Variants in ABTB3 observed in about 807,000 individuals in gnomAD.
ABTB3 encodes ankyrin repeat- and BTB/POZ domain-containing protein 3.
chr12:107,565,583 C>T, the ABTB3 span, among the ~76,000 whole-genome samples: 42 of 152,128 alleles, frequency 2.8e-4, no homozygotes, highest in African/African-American at 9.4e-4. Context: ...TCCAAACACT[C>T]CCCCACTTTC....
At chr12:107,339,976 A>G in the ABTB3 span, among the ~76,000 whole-genome samples, 1,201 of 152,084 alleles carry the variant, frequency 7.9e-3, 15 homozygotes, top group African/African-American at 0.027. Flanking sequence ...TGTTGATATC[A>G]TATTTATTTT....
the ABTB3 span, among the ~76,000 whole-genome samples, chr12:107,556,079 G>A: frequency 1.3e-5 from 2 of 151,768 alleles, no homozygotes; most frequent in African/African-American, 4.8e-5. Flanking sequence ...AGAATCTTAT[G>A]AGTCTGTCAG....
At chr12:107,320,245 C>T in the ABTB3 span, among the ~76,000 whole-genome samples, 1 of 152,212 alleles carries the variant, frequency 6.6e-6, no homozygotes, top group Non-Finnish European at 1.5e-5. Context: ...CTGTTTGCTC[C>T]TGCACTCGGG....
At chr12:107,375,458 CATCATCATA>C in the ABTB3 span, among the ~76,000 whole-genome samples, 3 of 128,916 alleles carry the variant, frequency 2.3e-5, no homozygotes, top group Non-Finnish European at 5.3e-5. Flanking sequence ...TCATCATCAT[CATCATCATA>C]AATAAAAATA....
the ABTB3 span, among the ~76,000 whole-genome samples, chr12:107,417,817 A>T: frequency 1.3e-5 from 2 of 152,208 alleles, no homozygotes; most frequent in African/African-American, 4.8e-5. Flanking sequence ...ACCTGTGTTT[A>T]ATTCCTGTGT....
At chr12:107,337,481 A>G in the ABTB3 span, among the ~76,000 whole-genome samples, 3 of 152,210 alleles carry the variant, frequency 2.0e-5, no homozygotes, top group East Asian at 3.8e-4. Context: ...GCTGGTTCCC[A>G]TGTACCAGAT....
At chr12:107,610,064 G>A in the ABTB3 span, 1 of 1,092,722 alleles carries the variant, frequency 9.2e-7, no homozygotes, top group East Asian at 2.4e-5. Flanking sequence ...CATTTTAATT[G>A]GAGCCTAGGA....
chr12:107,615,283 A>G, the ABTB3 span: 2 of 707,164 alleles, frequency 2.8e-6, no homozygotes, highest in Non-Finnish European at 4.8e-6. Context: ...CTGCAATTCA[A>G]TATAGTATAT....
the ABTB3 span, among the ~76,000 whole-genome samples, chr12:107,570,166 G>A: frequency 6.6e-6 from 1 of 152,184 alleles, no homozygotes; most frequent in Non-Finnish European, 1.5e-5. Context: ...CGTATAGAGG[G>A]AAAACCAGCA....
chr12:107,406,694 A>C, the ABTB3 span, among the ~76,000 whole-genome samples: 1 of 152,248 alleles, frequency 6.6e-6, no homozygotes, highest in African/African-American at 2.4e-5. Context: ...TGACCAAAAC[A>C]GGCAGAAATC....
chr12:107,651,168 T>C, the ABTB3 span, among the ~76,000 whole-genome samples: 1 of 151,934 alleles, frequency 6.6e-6, no homozygotes, highest in Non-Finnish European at 1.5e-5. Flanking sequence ...CCGACACAGA[T>C]CCCTGCCCTC....
the ABTB3 span, chr12:107,616,938 A>G: frequency 1.4e-6 from 1 of 713,044 alleles, no homozygotes; most frequent in Middle Eastern, 3.7e-4. Context: ...TTCATCCTCC[A>G]GGGTACAGTT....
At chr12:107,391,734 G>T in the ABTB3 span, among the ~76,000 whole-genome samples, 1 of 152,188 alleles carries the variant, frequency 6.6e-6, no homozygotes, top group Non-Finnish European at 1.5e-5. Context: ...GAATCCCAGT[G>T]TGCATGTTGG....
chr12:107,345,539 C>G, the ABTB3 span, among the ~76,000 whole-genome samples: 1 of 152,066 alleles, frequency 6.6e-6, no homozygotes, highest in Admixed American at 6.5e-5. Flanking sequence ...AAGAGAAGCC[C>G]AGGGACAGGG....
chr12:107,398,995 C>T, the ABTB3 span, among the ~76,000 whole-genome samples: 1 of 152,096 alleles, frequency 6.6e-6, no homozygotes, highest in Non-Finnish European at 1.5e-5. Flanking sequence ...CACACTAATG[C>T]ACTGAGAGTG....
At chr12:107,498,378 C>A in the ABTB3 span, among the ~76,000 whole-genome samples, 1 of 152,174 alleles carries the variant, frequency 6.6e-6, no homozygotes, top group Non-Finnish European at 1.5e-5. Context: ...CCCTGAGGAG[C>A]CTCGTGAAGC....
chr12:107,657,697 T>C, the ABTB3 span: 1 of 1,614,234 alleles, frequency 6.2e-7, no homozygotes, highest in Non-Finnish European at 8.5e-7. Context: ...ACTTGTCGTC[T>C]TCCAAAGGTT....
chr12:107,541,901 C>T, the ABTB3 span, among the ~76,000 whole-genome samples: 12 of 148,632 alleles, frequency 8.1e-5, no homozygotes, highest in Admixed American at 6.2e-4. Context: ...TGTGTACCCC[C>T]GAACCTAAAA....
the ABTB3 span, among the ~76,000 whole-genome samples, chr12:107,537,040 C>G: frequency 6.6e-5 from 10 of 152,082 alleles, no homozygotes; most frequent in African/African-American, 2.2e-4. Context: ...TGGAATACCA[C>G]TCAGCCATTA....
Sources: gnomAD v4.1 joint callset for allele counts (sites outside exome capture counted in the v4.1 genomes callset) on GRCh38, gnomAD v4.1.1 for gene constraint, MANE v1.5 for transcripts, NCBI Gene and HGNC (gene_info 2026-07-23, HGNC 2026-07-21) for gene names.